The following LRRTM4 variants were observed in gnomAD, a reference collection of about 807,000 sequenced individuals.
The protein encoded by LRRTM4 is leucine rich repeat transmembrane neuronal 4.
LRRTM4 carries 25 observed loss-of-function variants against 47.6 expected under a neutral mutation model. The observed-to-expected ratio is 0.53, with a 90% confidence interval of 0.38 to 0.73. LRRTM4 has a LOEUF of 0.73. LRRTM4 is among the 30% of genes least tolerant of loss of function. The probability of loss-of-function intolerance (pLI) is 0.00; values close to 1 mark genes in which losing one functional copy is unlikely to be tolerated. For synonymous variants in LRRTM4, 311 were observed against 269.5 expected (o/e 1.15, Z -1.51); for missense variants, 638 against 713.4 (o/e 0.89, Z 1.20).
intron 3 of LRRTM4, among the ~76,000 whole-genome samples, chr2:76,954,871 T>C (rs1326221138): frequency 6.6e-6 from 1 of 151,598 alleles, no homozygotes; most frequent in Non-Finnish European, 1.5e-5. Context: ...GCAGAAACCT[T>C]GTGGGCCAGA....
In LRRTM4 at chr2:77,428,673, G is replaced by C. The variant is rs141094880; in HGVS notation, c.1551+89645C>G. On this transcript the variant is annotated intron_variant, in intron 3 of 3. Transcript: ENST00000409884. ...AAACTTAGAAGAAAAGTTGAAGTTT[G>C]CCTGTGTATTGTCAATAGAAAACAC... Among the ~76,000 whole-genome samples the C allele has an allele frequency of 1.6e-3, 247 of 152,278 alleles. 2 individuals are homozygous for C. The highest frequency in any genetic ancestry group is 5.8e-3 in the African/African-American group (239 of 41,564).
At chr2:76,759,587 G>A (rs1296889060) in intron 3 of LRRTM4, among the ~76,000 whole-genome samples, 2 of 152,064 alleles carry the variant, frequency 1.3e-5, no homozygotes, top group East Asian at 3.9e-4. Flanking sequence ...TCAGGTTCAC[G>A]AGTTATCTAA....
At chr2:76,833,598 A>T (rs933516128) in intron 3 of LRRTM4, among the ~76,000 whole-genome samples, 3 of 151,922 alleles carry the variant, frequency 2.0e-5, no homozygotes, top group Non-Finnish European at 4.4e-5. Flanking sequence ...TTACCAGTAA[A>T]TAATATAATA....
intron 3 of LRRTM4, among the ~76,000 whole-genome samples, chr2:77,367,034 C>A (rs183305374): frequency 6.6e-6 from 1 of 151,840 alleles, no homozygotes; most frequent in Admixed American, 6.6e-5. Flanking sequence ...CCACATAATT[C>A]CCTTTCCATT....
At chr2:76,894,054 A>G (rs1285949372) in intron 3 of LRRTM4, among the ~76,000 whole-genome samples, 2 of 151,960 alleles carry the variant, frequency 1.3e-5, no homozygotes, top group African/African-American at 4.8e-5. Context: ...ATATCAGTTA[A>G]TTAATTGTAT....
intron 3 of LRRTM4, among the ~76,000 whole-genome samples, chr2:76,933,186 A>C (rs1267471602): frequency 6.6e-6 from 1 of 152,134 alleles, no homozygotes; most frequent in Non-Finnish European, 1.5e-5. Context: ...AATTCCCTTC[A>C]TCTGAATTTC....
intron 3 of LRRTM4, among the ~76,000 whole-genome samples, chr2:76,873,500 A>ATGTG (rs374256776): frequency 1.4e-4 from 14 of 103,348 alleles, no homozygotes; most frequent in African/African-American, 4.2e-4. Context: ...GTGTATATAT[A>ATGTG]TGTGTGTATA....
chr2:77,195,826 G>A (rs572296352), intron 3 of LRRTM4, among the ~76,000 whole-genome samples: 31 of 152,106 alleles, frequency 2.0e-4, no homozygotes, highest in Non-Finnish European at 3.8e-4. Flanking sequence ...GAGGATAGGG[G>A]GTGCTATTAA....
At chr2:77,239,679 T>C (rs1335884535) in intron 3 of LRRTM4, among the ~76,000 whole-genome samples, 2 of 151,908 alleles carry the variant, frequency 1.3e-5, no homozygotes, top group Admixed American at 6.6e-5. Flanking sequence ...ACAAAGTTAA[T>C]TGCAGAATGA....
intron 3 of LRRTM4, among the ~76,000 whole-genome samples, chr2:77,003,178 TGTTA>T (rs1677498877): frequency 3.3e-5 from 4 of 122,300 alleles, no homozygotes. Flanking sequence ...TGTTCTTATT[TGTTA>T]TTTTCTTCCT....
intron 3 of LRRTM4, among the ~76,000 whole-genome samples, chr2:77,290,133 A>G (rs765672516): frequency 3.3e-5 from 5 of 152,004 alleles, no homozygotes; most frequent in Non-Finnish European, 5.9e-5. Context: ...CATGAAACAA[A>G]CTAGATGAAA....
At chr2:77,399,165 G>T (rs940465406) in intron 3 of LRRTM4, among the ~76,000 whole-genome samples, 1 of 145,710 alleles carries the variant, frequency 6.9e-6, no homozygotes, top group African/African-American at 2.7e-5. Context: ...ACAACAGCAG[G>T]GCTTTTTTTT....
At position 77,349,056 on chromosome 2, in the gene LRRTM4, G is replaced by C. The variant is rs1446902251; in HGVS notation, c.1551+169262C>G. Among the ~76,000 whole-genome samples, 3 of 151,842 alleles carry C rather than the reference G, an allele frequency of 2.0e-5. No individual in the cohort carries two copies. The East Asian group carries it at 5.8e-4, about 29-fold the overall frequency. On this transcript the variant is annotated intron_variant, in intron 3 of 3. Transcript: ENST00000409884. Reference sequence around the variant, plus strand: ...TATCAGGAGGTGGGCAGAGATGCTGGATAGCTCCATTTTTTTTAATCAACA... The same window carrying C: ...TATCAGGAGGTGGGCAGAGATGCTGCATAGCTCCATTTTTTTTAATCAACA...
chr2:76,942,885 G>T (rs952463434), intron 3 of LRRTM4, among the ~76,000 whole-genome samples: 1 of 152,036 alleles, frequency 6.6e-6, no homozygotes, highest in Non-Finnish European at 1.5e-5. Flanking sequence ...TGTAAAGGTA[G>T]GTAATTGATA....
chr2:77,430,230 A>G (rs569920992), intron 3 of LRRTM4, among the ~76,000 whole-genome samples: 277 of 152,364 alleles, frequency 1.8e-3, no homozygotes, highest in Non-Finnish European at 3.5e-3. Context: ...CAATGTATAC[A>G]TACTTTAAAA....
At chr2:77,434,367 C>A (rs1436339629) in intron 3 of LRRTM4, among the ~76,000 whole-genome samples, 1 of 151,758 alleles carries the variant, frequency 6.6e-6, no homozygotes, top group Non-Finnish European at 1.5e-5. Context: ...ACCCAGCCAC[C>A]TTTCATGGGC....
At chr2:77,162,727 C>T (rs1026003279) in intron 3 of LRRTM4, among the ~76,000 whole-genome samples, 3 of 152,126 alleles carry the variant, frequency 2.0e-5, no homozygotes, top group Non-Finnish European at 4.4e-5. Context: ...AGTGGACCTC[C>T]AGCAAACTCC....
At chr2:77,385,521 G>T (rs1673225457) in intron 3 of LRRTM4, among the ~76,000 whole-genome samples, 1 of 152,098 alleles carries the variant, frequency 6.6e-6, no homozygotes, top group Non-Finnish European at 1.5e-5. Flanking sequence ...CTACGGCACT[G>T]ATGAGGTTTA....
chr2:77,494,556 A>G (rs776731766), intron 3 of LRRTM4, among the ~76,000 whole-genome samples: 4 of 151,514 alleles, frequency 2.6e-5, no homozygotes, highest in African/African-American at 4.9e-5. Flanking sequence ...TACCACTCTG[A>G]AAAATCCCCA....
Sources: allele counts gnomAD v4.1 joint callset (sites outside exome capture counted in the v4.1 genomes callset), GRCh38; gene constraint gnomAD v4.1.1; transcripts MANE v1.5; gene names NCBI Gene and HGNC (gene_info 2026-07-23, HGNC 2026-07-21).